XIRP2: variants seen among roughly 807,000 people sequenced by gnomAD.
The protein encoded by XIRP2 is xin actin-binding repeat-containing protein 2.
A neutral mutation model predicts 277.0 loss-of-function variants in XIRP2; 236 were observed. The ratio of observed to expected loss-of-function variants is 0.85; its 90% CI spans 0.77 to 0.95. The LOEUF is 0.95. XIRP2 is among the 40% of genes least tolerant of loss of function. The probability of loss-of-function intolerance (pLI) is 0.00; values close to 1 mark genes in which losing one functional copy is unlikely to be tolerated. For synonymous variants in XIRP2, 1,490 were observed against 1,416.5 expected, an observed-to-expected ratio of 1.05 and a Z score of -1.17; for missense variants, 4,640 against 4,157.5, an observed-to-expected ratio of 1.12 and a Z score of -3.19.
intron 2 of XIRP2, among the ~76,000 whole-genome samples, chr2:167,090,735 C>T (rs1474846074): frequency 6.6e-6 from 1 of 151,984 alleles, no homozygotes; most frequent in Non-Finnish European, 1.5e-5. Flanking sequence ...TTAGGGGTGT[C>T]CTGGCTTTAT....
chr2:167,214,465 A>C (rs1396196838), intron 4 of XIRP2, among the ~76,000 whole-genome samples: 1 of 132,020 alleles, frequency 7.6e-6, no homozygotes, highest in African/African-American at 3.1e-5. Context: ...CGGCTGAGTG[A>C]GACTCCATCT....
intron 2 of XIRP2, among the ~76,000 whole-genome samples, chr2:167,053,368 TA>T (rs1347885203): frequency 1.3e-5 from 2 of 152,230 alleles, no homozygotes; most frequent in Admixed American, 6.5e-5. Context: ...TGAAAAAAGA[TA>T]ATGTTCTCTT....
At chr2:167,103,749 C>G (rs575625910) in intron 2 of XIRP2, among the ~76,000 whole-genome samples, 1 of 152,176 alleles carries the variant, frequency 6.6e-6, no homozygotes, top group East Asian at 1.9e-4. Context: ...TAAATGGAAT[C>G]AAACGCTAGC....
chr2:166,995,188 T>C (rs1687183959), intron 2 of XIRP2, among the ~76,000 whole-genome samples: 1 of 152,158 alleles, frequency 6.6e-6, no homozygotes, highest in Non-Finnish European at 1.5e-5. Flanking sequence ...CCTGACCTCT[T>C]TATTTTAGCA....
intron 3 of XIRP2, among the ~76,000 whole-genome samples, chr2:167,160,956 A>C (rs1692345933): frequency 6.6e-6 from 1 of 152,222 alleles, no homozygotes; most frequent in South Asian, 2.1e-4. Flanking sequence ...TATTGGGTAA[A>C]TAACACCATT....
chr2:167,183,452 T>C (rs571970611), intron 3 of XIRP2, among the ~76,000 whole-genome samples: 1 of 152,356 alleles, frequency 6.6e-6, no homozygotes, highest in South Asian at 2.1e-4. Context: ...AAAATATCCA[T>C]ACCCATGCTT....
intron 2 of XIRP2, among the ~76,000 whole-genome samples, chr2:167,058,298 G>A (rs1689089678): frequency 6.6e-6 from 1 of 152,000 alleles, no homozygotes; most frequent in African/African-American, 2.4e-5. Flanking sequence ...TGTTCCCCAG[G>A]TGGGTCTTGA....
intron 2 of XIRP2, among the ~76,000 whole-genome samples, chr2:166,997,121 C>G (rs948740572): frequency 1.3e-5 from 2 of 152,170 alleles, no homozygotes; most frequent in Admixed American, 6.5e-5. Context: ...ATGATCATAC[C>G]TTCATTTTGG....
At chr2:167,051,494 T>C (rs1396814013) in intron 2 of XIRP2, among the ~76,000 whole-genome samples, 1 of 152,156 alleles carries the variant, frequency 6.6e-6, no homozygotes, top group African/African-American at 2.4e-5. Context: ...ATGATATGTG[T>C]AATGATTGTG....
intron 2 of XIRP2, among the ~76,000 whole-genome samples, chr2:166,945,663 C>CTTTTTTTTTTT (rs71395267): frequency 1.4e-5 from 1 of 69,292 alleles, no homozygotes; most frequent in African/African-American, 6.0e-5. Flanking sequence ...TAAGATAAAT[C>CTTTTTTTTTTT]TTTTTTTTTT....
Position 167,259,197 on chromosome 2 carries a change from A to T in XIRP2, c.*1380A>T. ...TTTGGAAAGGATGTTAAACCTTGGCATGTTGAAACAACAGAAGCTGCCCGC... is the reference window on the plus strand; with the variant it reads ...TTTGGAAAGGATGTTAAACCTTGGCTTGTTGAAACAACAGAAGCTGCCCGC... On this transcript the variant is annotated 3_prime_UTR_variant, in exon 11 of 11. Transcript: ENST00000409195. The T allele has an allele frequency of 1.2e-6, 2 of 1,613,550 alleles. No homozygotes were observed. The highest frequency in any genetic ancestry group is 1.3e-5 in the African/African-American group (1 of 74,980).
At chr2:167,009,635 G>A (rs1034475548) in intron 2 of XIRP2, among the ~76,000 whole-genome samples, 9 of 151,874 alleles carry the variant, frequency 5.9e-5, no homozygotes, top group African/African-American at 1.7e-4. Context: ...CTGAGGAATC[G>A]CCACACTGAC....
chr2:167,072,859 C>G (rs115593758), intron 2 of XIRP2, among the ~76,000 whole-genome samples: 2,152 of 152,222 alleles, frequency 0.014, 59 homozygotes, highest in African/African-American at 0.05. Context: ...TCAAACCATA[C>G]AGAAGGCCGC....
At position 167,022,354 on chromosome 2, in the gene XIRP2, T is replaced by C. The variant is rs113547088; in HGVS notation, c.409-113555T>C. On this transcript the variant is annotated intron_variant, in intron 2 of 10. Transcript: ENST00000409195. Reference sequence around the variant, plus strand: ...TATGCAATACATGCTAAAGACACAATGATTTTCTAAATGTTGTTGGATATT... The same window carrying C: ...TATGCAATACATGCTAAAGACACAACGATTTTCTAAATGTTGTTGGATATT... Among the ~76,000 whole-genome samples, 115 of 152,174 alleles carry C rather than the reference T, an allele frequency of 7.6e-4. 1 individual carries two copies. Among genetic ancestry groups the C allele is most frequent in the African/African-American group, 2.7e-3 (113 of 41,550 alleles).
intron 2 of XIRP2, among the ~76,000 whole-genome samples, chr2:167,084,586 T>C (rs1422502564): frequency 6.6e-6 from 1 of 151,952 alleles, no homozygotes; most frequent in South Asian, 2.1e-4. Context: ...TCTTTTTGGT[T>C]GGTAAGCTAT....
intron 2 of XIRP2, among the ~76,000 whole-genome samples, chr2:167,002,514 A>C (rs1687399951): frequency 6.6e-6 from 1 of 152,004 alleles, no homozygotes; most frequent in Non-Finnish European, 1.5e-5. Flanking sequence ...AAAGGTTGGT[A>C]ATTTTCCATC....
At position 167,023,221 on chromosome 2, in the gene XIRP2, T is replaced by C. The variant is rs557617507; in HGVS notation, c.409-112688T>C. On this transcript the variant is annotated intron_variant, in intron 2 of 10. Coordinates refer to ENST00000409195, the MANE Select transcript of XIRP2 (RefSeq NM_152381.6). Reference sequence around the variant, plus strand: ...TGATGGCCATTGACGGTTAGCATTTTTTCATGTGTTTTTTGGCTGCATAAA... The same window carrying C: ...TGATGGCCATTGACGGTTAGCATTTCTTCATGTGTTTTTTGGCTGCATAAA... Among the ~76,000 whole-genome samples the C allele has an allele frequency of 4.6e-5, 7 of 152,216 alleles. No individual in the cohort carries two copies. The South Asian group carries it at 1.4e-3, about 31-fold the overall frequency.
intron 2 of XIRP2, among the ~76,000 whole-genome samples, chr2:167,106,581 C>G (rs1209312119): frequency 6.6e-6 from 1 of 151,562 alleles, no homozygotes; most frequent in Non-Finnish European, 1.5e-5. Context: ...ATTACTATAG[C>G]TATATAAAAA....
At chr2:166,967,020 T>C (rs951009730) in intron 2 of XIRP2, among the ~76,000 whole-genome samples, 1 of 151,940 alleles carries the variant, frequency 6.6e-6, no homozygotes, top group Non-Finnish European at 1.5e-5. Flanking sequence ...GCACTGCATC[T>C]AGTCTGTGTA....
Sources: allele counts gnomAD v4.1 joint callset (sites outside exome capture counted in the v4.1 genomes callset), GRCh38; gene constraint gnomAD v4.1.1; transcripts MANE v1.5; gene names NCBI Gene and HGNC (gene_info 2026-07-23, HGNC 2026-07-21).